PTHLH: variants seen among roughly 807,000 people sequenced by gnomAD.
PTHLH encodes the protein parathyroid hormone-related protein.
Under a neutral mutation model 18.6 loss-of-function variants are expected in PTHLH, and 5 were observed. That is an observed-to-expected ratio of 0.27 (90% CI 0.14 to 0.56). The LOEUF is 0.56. PTHLH is among the 20% of genes least tolerant of loss of function. PTHLH has a pLI of 0.92. For synonymous variants in PTHLH, 90 were observed against 94.0 expected (o/e 0.96, Z 0.25); for missense variants, 207 against 223.9 (o/e 0.92, Z 0.48).
rs766903878 is a variant in PTHLH at position 27,963,728 on chromosome 12, C to T, written c.144G>A (p.Gly48=). The T allele has an allele frequency of 6.2e-7, 1 of 1,613,796 alleles. No homozygotes were observed. The highest frequency in any genetic ancestry group is 1.3e-5 in the African/African-American group (1 of 74,996). The change falls in exon 5 of 6, where the codon GGG becomes GGA. Residue 48 remains glycine, a synonymous_variant. Transcript: ENST00000545234. ...VSEHQLLHDK[G]KSIQDLRRRF... ...GTCGCCGTAAATCTTGGATGGACTT[C>T]CCCTTGTCATGGAGGAGCTGATGTT...
intron 2 of PTHLH, 103 bp downstream of exon 2, chr12:27,971,824 C>G (rs1368678588): frequency 6.6e-6 from 1 of 152,086 alleles, no homozygotes; most frequent in African/African-American, 2.4e-5. Flanking sequence ...CACTCTCTCT[C>G]TGGGAATTTC....
chr12:27,961,323 G>GTATATATATATACGTA (rs200143763), intron 5 of PTHLH, among the ~76,000 whole-genome samples: 1 of 91,936 alleles, frequency 1.1e-5, no homozygotes, highest in African/African-American at 4.1e-5. Flanking sequence ...ATATATATAC[G>GTATATATATATACGTA]TATATATATA....
At chr12:27,971,530 A>G (rs918460953) in intron 2 of PTHLH, among the ~76,000 whole-genome samples, 1 of 152,056 alleles carries the variant, frequency 6.6e-6, no homozygotes, top group Admixed American at 6.5e-5. Flanking sequence ...TGTGGCCTTT[A>G]TCAAGCCCGA....
intron 5 of PTHLH, among the ~76,000 whole-genome samples, chr12:27,961,285 ACG>A (rs1491228540): frequency 3.9e-5 from 2 of 51,236 alleles, no homozygotes; most frequent in South Asian, 6.4e-4. Flanking sequence ...TCATATATAT[ACG>A]TATATATATA....
At position 27,961,766 on chromosome 12, in the gene PTHLH, G is replaced by A. The variant is rs1315304482; in HGVS notation, c.524+1582C>T. The A allele has an allele frequency of 7.5e-6, 4 of 532,930 alleles. No homozygotes were observed. In the African/African-American group the frequency reaches 7.8e-5, roughly 10 times the overall value. The allele number at this position is 532,930 out of a possible 1,614,324, so 33.0% of individuals were successfully genotyped here. On this transcript the variant is annotated intron_variant, in intron 5 of 5. Transcript: ENST00000545234. ...GCTGTACTACTTATCCCATATGATT[G>A]CTATTTTATGTGCTATTTAATGATG...
intron 5 of PTHLH, among the ~76,000 whole-genome samples, chr12:27,960,176 T>A (rs2062741906): frequency 6.6e-6 from 1 of 152,226 alleles, no homozygotes; most frequent in South Asian, 2.1e-4. Context: ...GTTTACTATA[T>A]GTGTGTGCAT....
At chr12:27,969,084 C>A (rs2062842658) in intron 4 of PTHLH, 1 of 374,906 alleles carries the variant, frequency 2.7e-6, no homozygotes, top group Non-Finnish European at 5.0e-6. Context: ...GTAACCACCA[C>A]CCCCCAACTT....
Position 27,963,905 on chromosome 12 carries a change from C to T in PTHLH, c.102-135G>A, listed in dbSNP as rs1591848695. On this transcript the variant is annotated intron_variant, in intron 4 of 5. Coordinates refer to ENST00000545234, the MANE Select transcript of PTHLH (RefSeq NM_198965.2). Reference sequence around the variant, plus strand: ...ACACAAGCTGGATGGGTAGCAAGCTCATTGCGCAGGGAAGGGTAACCAGTG... The same window carrying T: ...ACACAAGCTGGATGGGTAGCAAGCTTATTGCGCAGGGAAGGGTAACCAGTG... The T allele has an allele frequency of 1.3e-5, 11 of 866,416 alleles. No individual in the cohort carries two copies. The East Asian group carries it at 2.9e-4, about 23-fold the overall frequency. 53.7% of individuals were successfully genotyped at this position (866,416 alleles called of 1,614,324 possible).
rs1272874415 is a variant in PTHLH at position 27,970,033 on chromosome 12, G to C, written c.-31C>G. On this transcript the variant is annotated 5_prime_UTR_variant, in exon 3 of 6. Transcript: ENST00000545234. ...CATAGCTGTCTGTCTACCTCCTCTGGTGGGCTGGTTGCTTCCGGAAAGTTG... is the reference window on the plus strand; with the variant it reads ...CATAGCTGTCTGTCTACCTCCTCTGCTGGGCTGGTTGCTTCCGGAAAGTTG... 1 of 519,048 alleles carries C rather than the reference G, an allele frequency of 1.9e-6. No homozygotes were observed. The highest frequency in any genetic ancestry group is 3.8e-6 in the Non-Finnish European group (1 of 259,876). The allele number at this position is 519,048 out of a possible 1,614,324, so 32.2% of individuals were successfully genotyped here.
At chr12:27,962,821 G>T (rs1259315396) in intron 5 of PTHLH, 1 of 968,346 alleles carries the variant, frequency 1.0e-6, no homozygotes, top group Non-Finnish European at 1.2e-6. Flanking sequence ...ATAAATTTGA[G>T]ATTTAATTAA....
rs1187233122 is a variant in PTHLH, at chr12:27,958,116, A to T, written c.*443T>A. On this transcript the variant is annotated 3_prime_UTR_variant, in exon 6 of 6. Transcript: ENST00000545234. ...GTAATTAGATTATATTTTATTAGAC[A>T]TTCTTTACAAATTTAAAATACTGTT... 6.5e-6 allele frequency: 1 copy of T among 152,680 alleles called. No homozygotes were observed. Among genetic ancestry groups the T allele is most frequent in the African/African-American group, 2.4e-5 (1 of 41,488 alleles). The allele number at this position is 152,680 out of a possible 1,614,324, so 9.5% of individuals were successfully genotyped here.
chr12:27,958,619 T>C (rs2062730416), intron 5 of PTHLH, 51 bp from the exon 6 acceptor site: 1 of 1,511,562 alleles, frequency 6.6e-7, no homozygotes. Context: ...TAGTTTTCTT[T>C]ACAAATGAAA....
chr12:27,964,604 GT>G (rs142986279), intron 4 of PTHLH, among the ~76,000 whole-genome samples: 22 of 149,206 alleles, frequency 1.5e-4, no homozygotes, highest in Non-Finnish European at 2.1e-4. Context: ...TGTGCTTCAT[GT>G]TTTTTTTTTA....
In PTHLH at chr12:27,963,695, G is replaced by T; in HGVS notation, c.177C>A (p.Phe59Leu). Reference sequence around the variant, plus strand: ...GGATTTCTGCGATCAGATGGTGAAGGAAGAATCGTCGCCGTAAATCTTGGA... The same window carrying T: ...GGATTTCTGCGATCAGATGGTGAAGTAAGAATCGTCGCCGTAAATCTTGGA... ...KSIQDLRRRF[F>L]LHHLIAEIHT... The change falls in exon 5 of 6, where the codon TTC becomes TTA. Residue 59 changes from phenylalanine to leucine, a missense_variant. Phe to Leu is a conservative substitution (Grantham distance 22). Transcript: ENST00000545234. 1 of 1,613,568 alleles carries T rather than the reference G, an allele frequency of 6.2e-7. No individual in the cohort carries two copies. Among genetic ancestry groups the T allele is most frequent in the Non-Finnish European group, 8.5e-7 (1 of 1,179,854 alleles).
At chr12:27,970,948 T>A (rs900957863) in intron 2 of PTHLH, among the ~76,000 whole-genome samples, 1 of 152,108 alleles carries the variant, frequency 6.6e-6, no homozygotes, top group African/African-American at 2.4e-5. Context: ...CAGTTCCAGA[T>A]TTCATATCTA....
At chr12:27,963,802 C>T (rs1281739404) in intron 4 of PTHLH, 32 bp from the exon 5 acceptor site, 5 of 1,607,476 alleles carry the variant, frequency 3.1e-6, no homozygotes, top group Non-Finnish European at 3.4e-6. Flanking sequence ...GGGAAGAAAA[C>T]AGTTAAATTT....
In PTHLH at chr12:27,959,512, T is replaced by A. The variant is rs538843554; in HGVS notation, c.525-944A>T. Among the ~76,000 whole-genome samples the A allele has an allele frequency of 2.6e-5, 4 of 152,338 alleles. No homozygotes were observed. The East Asian group carries it at 7.7e-4, about 29-fold the overall frequency. ...CTTTTCTGTCTCCCTTTCTCTTCTC[T>A]TTGTGTGGTCTATGTATTTGTTCCC... On this transcript the variant is annotated intron_variant, in intron 5 of 5. Transcript: ENST00000545234.
intron 4 of PTHLH, 126 bp from the exon 5 acceptor site, chr12:27,963,896 T>C: frequency 2.1e-6 from 2 of 950,174 alleles, no homozygotes; most frequent in Non-Finnish European, 3.2e-6. Flanking sequence ...GCTGGATGGG[T>C]AGCAAGCTCA....
chr12:27,962,804 C>A, intron 5 of PTHLH: 2 of 969,884 alleles, frequency 2.1e-6, no homozygotes, highest in Non-Finnish European at 2.5e-6. Context: ...AAGTTCTTTA[C>A]ATTAAAATAA....
Sources: gnomAD v4.1 joint callset for allele counts (sites outside exome capture counted in the v4.1 genomes callset) on GRCh38, gnomAD v4.1.1 for gene constraint, MANE v1.5 for transcripts, NCBI Gene and HGNC (gene_info 2026-07-23, HGNC 2026-07-21) for gene names.